Variants in PRTG observed in about 807,000 individuals in gnomAD.
The protein encoded by PRTG is protogenin.
A neutral mutation model predicts 122.5 loss-of-function variants in PRTG; 67 were observed. That is an observed-to-expected ratio of 0.55 (90% CI 0.45 to 0.67). The LOEUF (loss-of-function observed/expected upper bound fraction) is 0.67, where lower values mean the gene tolerates loss of function less well. Among genes scored for constraint, PRTG ranks in the 30% least tolerant of loss-of-function variants. The probability of loss-of-function intolerance (pLI) is 0.00; values close to 1 mark genes in which losing one functional copy is unlikely to be tolerated. For missense variants in PRTG, 1,435 were observed against 1,415.4 expected (o/e 1.01, Z -0.22); for synonymous variants, 554 against 501.1 (o/e 1.11, Z -1.41).
rs1042049327 is a variant in PRTG, at chr15:55,619,285, T to C, written c.*727A>G. Reference sequence around the variant, plus strand: ...CTGTTCTCAAAAGAAATATACTTTCTTGTTTTGGTCATCGTTAGAAGAAAT... The same window carrying C: ...CTGTTCTCAAAAGAAATATACTTTCCTGTTTTGGTCATCGTTAGAAGAAAT... On this transcript the variant is annotated 3_prime_UTR_variant, in exon 20 of 20. Transcript: ENST00000389286. The C allele has an allele frequency of 6.6e-5, 10 of 152,248 alleles. No homozygotes were observed. Among genetic ancestry groups the C allele is most frequent in the Non-Finnish European group, 1.3e-4 (9 of 68,054 alleles). 9.4% of individuals were successfully genotyped at this position (152,248 alleles called of 1,614,324 possible).
intron 11 of PRTG, among the ~76,000 whole-genome samples, chr15:55,646,480 G>A (rs147191955): frequency 0.079 from 11,960 of 151,382 alleles, 552 homozygotes; most frequent in Non-Finnish European, 0.11. Flanking sequence ...CCGCCACCAC[G>A]CCCGGCCAAT....
rs75842275 is a variant in PRTG, at chr15:55,683,402, T to C, written c.542+385A>G. 5.6e-3 allele frequency among the ~76,000 whole-genome samples: 845 copies of C among 152,126 alleles called. 3 individuals carry two copies. Among genetic ancestry groups the C allele is most frequent in the African/African-American group, 0.02 (813 of 41,488 alleles). On this transcript the variant is annotated intron_variant, in intron 3 of 19. Coordinates refer to ENST00000389286, the MANE Select transcript of PRTG (RefSeq NM_173814.6). ...TTGTAGTAAAGAGGGGGTTGAGAAGTGGAAGGCAGAGACAGGAGTGGGCAG... is the reference window on the plus strand; with the variant it reads ...TTGTAGTAAAGAGGGGGTTGAGAAGCGGAAGGCAGAGACAGGAGTGGGCAG...
intron 2 of PRTG, among the ~76,000 whole-genome samples, chr15:55,733,331 A>G (rs2031300620): frequency 4.0e-5 from 6 of 151,774 alleles, no homozygotes; most frequent in Admixed American, 3.9e-4. Context: ...ACCAACGTGG[A>G]GAAACCCTGT....
intron 15 of PRTG, among the ~76,000 whole-genome samples, chr15:55,633,840 T>C (rs1410489389): frequency 6.6e-6 from 1 of 152,196 alleles, no homozygotes; most frequent in East Asian, 1.9e-4. Flanking sequence ...ATTTAACAAA[T>C]GACAAAAGCT....
In PRTG at chr15:55,680,046, G is replaced by C. The variant is rs2059528272; in HGVS notation, c.973+8C>G. 6.2e-7 allele frequency: 1 copy of C among 1,610,292 alleles called. No homozygotes were observed. Among genetic ancestry groups the C allele is most frequent in the Non-Finnish European group, 8.5e-7 (1 of 1,177,744 alleles). ...GATTCCCCTGATTGCAGAATGAAAG[G>C]AACATACCTAATACAGTTAAAGTTG... On this transcript the variant is annotated splice_region_variant and intron_variant, in intron 6 of 19. Transcript: ENST00000389286.
Position 55,732,910 on chromosome 15 carries a change from G to A in PRTG, c.397+7472C>T, listed in dbSNP as rs192710903. On this transcript the variant is annotated intron_variant, in intron 2 of 19. Transcript: ENST00000389286. ...CACATTTTAAAAAAATATATACAAC[G>A]CTTAAAAATAGTAAATGGTGGCTGG... Among the ~76,000 whole-genome samples the A allele has an allele frequency of 2.4e-4, 37 of 152,204 alleles. No homozygotes were observed. The East Asian group carries it at 6.8e-3, about 28-fold the overall frequency.
At chr15:55,644,698 T>C (rs2059310723) in intron 11 of PRTG, among the ~76,000 whole-genome samples, 1 of 152,124 alleles carries the variant, frequency 6.6e-6, no homozygotes, top group South Asian at 2.1e-4. Context: ...AGGGAGTAAC[T>C]GTCTCAAGGA....
At chr15:55,723,602 A>G (rs2030910141) in intron 2 of PRTG, among the ~76,000 whole-genome samples, 1 of 152,152 alleles carries the variant, frequency 6.6e-6, no homozygotes, top group African/African-American at 2.4e-5. Context: ...TCCAAGTAAG[A>G]CAAATTAAAA....
chr15:55,722,842 T>A (rs774977362), intron 2 of PRTG, among the ~76,000 whole-genome samples: 1 of 152,078 alleles, frequency 6.6e-6, no homozygotes, highest in African/African-American at 2.4e-5. Context: ...AGAGCAAATA[T>A]AGGAATTAAG....
At chr15:55,719,128 G>C (rs1032374706) in intron 2 of PRTG, among the ~76,000 whole-genome samples, 2 of 152,032 alleles carry the variant, frequency 1.3e-5, no homozygotes, top group Admixed American at 6.6e-5. Flanking sequence ...TATCTTACTT[G>C]GATTATTAAA....
At chr15:55,680,723 T>C (rs1373873635) in intron 4 of PRTG, 95 bp from the exon 5 acceptor site, 2 of 839,088 alleles carry the variant, frequency 2.4e-6, no homozygotes, top group Non-Finnish European at 3.3e-6. Flanking sequence ...CTCACTTTTC[T>C]TTTTTTAAAA....
chr15:55,665,717 TG>T (rs1036613881), intron 11 of PRTG, among the ~76,000 whole-genome samples: 2 of 151,960 alleles, frequency 1.3e-5, no homozygotes, highest in African/African-American at 4.8e-5. Flanking sequence ...GGCTAATTTT[TG>T]TATTTTTAGT....
chr15:55,620,346 A>T, intron 19 of PRTG, 80 bp from the exon 20 acceptor site: 1 of 1,561,368 alleles, frequency 6.4e-7, no homozygotes, highest in Non-Finnish European at 8.6e-7. Context: ...GTCCCCACAG[A>T]CAGGTGGGAG....
intron 11 of PRTG, among the ~76,000 whole-genome samples, chr15:55,646,083 C>G (rs988362541): frequency 6.6e-6 from 1 of 151,704 alleles, no homozygotes; most frequent in African/African-American, 2.4e-5. Context: ...CCCAGCTCAC[C>G]GCAACCTCCT....
intron 15 of PRTG, among the ~76,000 whole-genome samples, chr15:55,630,427 C>T (rs553542287): frequency 6.6e-6 from 1 of 152,212 alleles, no homozygotes; most frequent in African/African-American, 2.4e-5. Flanking sequence ...CCAGCCTGGC[C>T]TAATTATTGT....
At position 55,673,227 on chromosome 15, in the gene PRTG, T is replaced by C. The variant is rs181441734; in HGVS notation, c.1852+144A>G. 10 of 680,188 alleles carry C rather than the reference T, an allele frequency of 1.5e-5. No homozygotes were observed. The East Asian group carries it at 2.8e-4, about 19-fold the overall frequency. 42.1% of individuals were successfully genotyped at this position (680,188 alleles called of 1,614,324 possible). ...CAAAAGCGACTACTTAATAAAAAGT[T>C]TAATTTTTTTCAATTAAGTCCATCA... On this transcript the variant is annotated intron_variant, in intron 10 of 19. Coordinates refer to ENST00000389286, the MANE Select transcript of PRTG (RefSeq NM_173814.6).
At chr15:55,718,534 G>A (rs951164144) in intron 2 of PRTG, among the ~76,000 whole-genome samples, 3 of 150,504 alleles carry the variant, frequency 2.0e-5, no homozygotes, top group African/African-American at 7.4e-5. Flanking sequence ...CTTATAAAAC[G>A]GCCCCACCCC....
At chr15:55,732,276 C>A (rs1326121001) in intron 2 of PRTG, among the ~76,000 whole-genome samples, 4 of 152,138 alleles carry the variant, frequency 2.6e-5, no homozygotes, top group African/African-American at 9.7e-5. Context: ...GCTACCTCCG[C>A]CTCCTGGGTT....
In PRTG at chr15:55,742,956, C is replaced by G. The variant is rs1373539118; in HGVS notation, c.-25G>C. The G allele has an allele frequency of 6.7e-7, 1 of 1,484,600 alleles. No individual in the cohort carries two copies. Among genetic ancestry groups the G allele is most frequent in the Non-Finnish European group, 8.9e-7 (1 of 1,117,934 alleles). 92.0% of individuals were successfully genotyped at this position (1,484,600 alleles called of 1,614,324 possible). A position where few individuals can be genotyped will look rare whatever the true frequency, so the allele number is the denominator to read the frequency against. ...TTCAGCGTAGCCGCGCGGGCATGCT[C>G]CCCGGCCGCCCAGAGCCCCTGTCCG... On this transcript the variant is annotated 5_prime_UTR_variant, in exon 1 of 20. Transcript: ENST00000389286.
Sources: allele counts gnomAD v4.1 joint callset (sites outside exome capture counted in the v4.1 genomes callset), GRCh38; gene constraint gnomAD v4.1.1; transcripts MANE v1.5; gene names NCBI Gene and HGNC (gene_info 2026-07-23, HGNC 2026-07-21).